DCAF6: variants seen among roughly 807,000 people sequenced by gnomAD.
The protein encoded by DCAF6 is DDB1- and CUL4-associated factor 6.
A neutral mutation model predicts 125.1 loss-of-function variants in DCAF6; 54 were observed. The ratio of observed to expected loss-of-function variants is 0.43; its 90% CI spans 0.35 to 0.54. The LOEUF is 0.54. DCAF6 is among the 20% of genes least tolerant of loss of function. The probability of loss-of-function intolerance (pLI) is 0.01; values close to 1 mark genes in which losing one functional copy is unlikely to be tolerated. For synonymous variants in DCAF6, 371 were observed against 390.4 expected (o/e 0.95, Z 0.58); for missense variants, 934 against 1,161.7 (o/e 0.80, Z 2.85).
the DCAF6 span, among the ~76,000 whole-genome samples, chr1:167,911,975 G>T: frequency 6.6e-6 from 1 of 152,132 alleles, no homozygotes; most frequent in Non-Finnish European, 1.5e-5. Flanking sequence ...TTAAAAGGCA[G>T]GGAGATCTAA....
intron 1 of DCAF6, among the ~76,000 whole-genome samples, chr1:167,943,583 C>G (rs1285497362): frequency 6.6e-6 from 1 of 152,100 alleles, no homozygotes; most frequent in East Asian, 1.9e-4. Flanking sequence ...ATAGATTATG[C>G]TGCAGTCAAG....
chr1:168,071,430 C>T (rs1693006576), intron 21 of DCAF6, among the ~76,000 whole-genome samples: 1 of 152,042 alleles, frequency 6.6e-6, no homozygotes, highest in South Asian at 2.1e-4. Context: ...ATGGCAAAAC[C>T]CCGTCTCTAT....
Position 167,987,552 on chromosome 1 carries a change from G to GT in DCAF6, c.498dup (p.Arg167Ter). The GT allele has an allele frequency of 6.2e-7, 1 of 1,609,138 alleles. No individual in the cohort carries two copies. Among genetic ancestry groups the GT allele is most frequent in the Non-Finnish European group, 8.5e-7 (1 of 1,177,016 alleles). On this transcript the variant is annotated frameshift_variant, in exon 5 of 22. Transcript: ENST00000367840. LOFTEE classifies it high-confidence loss of function. ...TCTCTCTTGTGGTGAAGATGGAACT[G>GT]TTAGGTGGTTTGATACACGCATCAA...
chr1:167,880,575 C>T, the DCAF6 span: 13 of 1,613,904 alleles, frequency 8.1e-6, no homozygotes, highest in Admixed American at 6.7e-5. Flanking sequence ...TACCTTTTCC[C>T]CAGGGAAGCC....
At chr1:168,024,684 A>G (rs890433332) in intron 12 of DCAF6, among the ~76,000 whole-genome samples, 2 of 151,830 alleles carry the variant, frequency 1.3e-5, no homozygotes, top group African/African-American at 4.8e-5. Flanking sequence ...CGTGCCTGTA[A>G]TCCTAGCTAC....
chr1:167,967,197 T>C (rs1478403346), intron 3 of DCAF6, among the ~76,000 whole-genome samples: 2 of 152,212 alleles, frequency 1.3e-5, no homozygotes, highest in East Asian at 3.8e-4. Flanking sequence ...AAAATTTACA[T>C]TTAAAACTTT....
chr1:168,019,408 G>T, intron 11 of DCAF6: 1 of 289,884 alleles, frequency 3.4e-6, no homozygotes, highest in Non-Finnish European at 7.3e-6. Flanking sequence ...CTCATATAAA[G>T]GCCCCCATAA....
intron 8 of DCAF6, 40 bp from the exon 9 acceptor site, chr1:168,003,830 C>A: frequency 6.5e-7 from 1 of 1,535,858 alleles, no homozygotes; most frequent in Non-Finnish European, 8.8e-7. Context: ...AAGATTCTGA[C>A]TTATTACTAA....
At chr1:168,051,376 C>G (rs1185462636) in intron 17 of DCAF6, among the ~76,000 whole-genome samples, 1 of 152,152 alleles carries the variant, frequency 6.6e-6, no homozygotes, top group African/African-American at 2.4e-5. Context: ...GTATAGGTTT[C>G]TGATTTTTGC....
At chr1:167,903,623 T>C in the DCAF6 span, among the ~76,000 whole-genome samples, 5 of 152,194 alleles carry the variant, frequency 3.3e-5, no homozygotes, top group Admixed American at 6.5e-5. Context: ...GTATTACTAC[T>C]ACAGTTCTTT....
At position 167,949,715 on chromosome 1, in the gene DCAF6, C is replaced by T. The variant is rs181285683; in HGVS notation, c.98-2085C>T. The stretch of plus-strand genomic sequence containing the variant: ...TTTTGCTAGCATCCAAGAAAGGTAG[C>T]AGTCCAATTGGTTACCTTGCAAATA... On this transcript the variant is annotated intron_variant, in intron 1 of 21. Transcript: ENST00000367840. Among the ~76,000 whole-genome samples, 19 of 152,280 alleles carry T rather than the reference C, an allele frequency of 1.2e-4. No homozygotes were observed. The East Asian group carries it at 3.5e-3, about 28-fold the overall frequency.
rs778216095 is a variant in DCAF6 at position 167,966,687 on chromosome 1, C to T, written c.218C>T (p.Thr73Ile). Residue 73 changes from threonine (T) to isoleucine (I), a missense_variant, in exon 3 of 22, where the codon ACC becomes ATC. Coordinates refer to ENST00000367840, the MANE Select transcript of DCAF6 (RefSeq NM_001198956.2). Reference sequence around the variant, plus strand: ...TATATTTTATCTGGCTCAGATGACACCAAATTAGTAATTAGTAATCCTTAC... The same window carrying T: ...TATATTTTATCTGGCTCAGATGACATCAAATTAGTAATTAGTAATCCTTAC... Reference protein sequence around the residue: ...GEYILSGSDDTKLVISNPYSR... With the variant: ...GEYILSGSDDIKLVISNPYSR... The T allele has an allele frequency of 8.7e-6, 14 of 1,600,316 alleles. No homozygotes were observed. In the East Asian group the frequency reaches 2.5e-4, roughly 28 times the overall value.
intron 1 of DCAF6, among the ~76,000 whole-genome samples, chr1:167,945,799 C>CTT (rs780562598): frequency 2.9e-5 from 4 of 139,434 alleles, no homozygotes; most frequent in Admixed American, 7.1e-5. Flanking sequence ...CACACCCGGC[C>CTT]TTTTTTTTTT....
chr1:167,951,605 G>A (rs546671411), intron 1 of DCAF6, among the ~76,000 whole-genome samples, 195 bp from the exon 2 acceptor site: 102 of 152,154 alleles, frequency 6.7e-4, no homozygotes, highest in East Asian at 1.9e-4. Flanking sequence ...ACTGCGTGAG[G>A]TAGAGGTATT....
chr1:167,966,906 A>G (rs10918803), intron 3 of DCAF6, among the ~76,000 whole-genome samples, 185 bp downstream of exon 3: 2 of 152,160 alleles, frequency 1.3e-5, no homozygotes, highest in Non-Finnish European at 2.9e-5. Context: ...ACTTAGGGAA[A>G]CAAGATTTTA....
the DCAF6 span, among the ~76,000 whole-genome samples, chr1:167,893,697 A>C: frequency 2.9e-4 from 11 of 37,456 alleles, no homozygotes; most frequent in African/African-American, 1.8e-3. Flanking sequence ...CTCTGTCTCA[A>C]AAAAAAAAAA....
At chr1:167,954,074 T>G (rs952429475) in intron 2 of DCAF6, among the ~76,000 whole-genome samples, 1 of 152,166 alleles carries the variant, frequency 6.6e-6, no homozygotes, top group African/African-American at 2.4e-5. Flanking sequence ...TGGCACAATC[T>G]CAGCTCACTG....
chr1:168,071,486 T>G (rs114352374), intron 21 of DCAF6, among the ~76,000 whole-genome samples: 1 of 151,692 alleles, frequency 6.6e-6, no homozygotes, highest in South Asian at 2.1e-4. Flanking sequence ...ATACAAAAAT[T>G]AGCTGGACGT....
At chr1:167,916,370 C>G in the DCAF6 span, among the ~76,000 whole-genome samples, 119 of 152,190 alleles carry the variant, frequency 7.8e-4, 1 homozygote, top group South Asian at 0.023. Flanking sequence ...CCACACCCAG[C>G]TAATTTTTGT....
Sources: gnomAD v4.1 joint callset for allele counts (sites outside exome capture counted in the v4.1 genomes callset) on GRCh38, gnomAD v4.1.1 for gene constraint, MANE v1.5 for transcripts, NCBI Gene and HGNC (gene_info 2026-07-23, HGNC 2026-07-21) for gene names.